The following POU2F2 variants were observed in gnomAD, a reference collection of about 807,000 sequenced individuals.
The protein encoded by POU2F2 is POU domain, class 2, transcription factor 2.
Under a neutral mutation model 63.5 loss-of-function variants are expected in POU2F2, and 14 were observed. The ratio of observed to expected loss-of-function variants is 0.22; its 90% CI spans 0.15 to 0.34. POU2F2 has a LOEUF of 0.34. Ranked by LOEUF, POU2F2 falls within the 10% of genes least tolerant of loss-of-function variation. The probability of loss-of-function intolerance (pLI) is 1.00; values close to 1 mark genes in which losing one functional copy is unlikely to be tolerated. For synonymous variants in POU2F2, 306 were observed against 348.6 expected (o/e 0.88, Z 1.36); for missense variants, 607 against 815.2 (o/e 0.74, Z 3.11).
At chr19:42,185,111 CTTCA>C (rs2034999591) in intron 1 of POU2F2, among the ~76,000 whole-genome samples, 1 of 152,146 alleles carries the variant, frequency 6.6e-6, no homozygotes, top group South Asian at 2.1e-4. Flanking sequence ...AGTTCATTTA[CTTCA>C]TTAATATTAA....
intron 1 of POU2F2, 75 bp downstream of exon 1, chr19:42,132,309 C>T (rs2033823370): frequency 2.0e-6 from 3 of 1,517,658 alleles, no homozygotes; most frequent in Non-Finnish European, 2.7e-6. Flanking sequence ...GGAGGAGGGG[C>T]AGGCAGGGCC....
intron 1 of POU2F2, among the ~76,000 whole-genome samples, chr19:42,171,494 G>A (rs1261577384): frequency 6.6e-6 from 1 of 151,462 alleles, no homozygotes; most frequent in Non-Finnish European, 1.5e-5. Flanking sequence ...GAGTGACTTG[G>A]TGTATTGGCC....
At chr19:42,143,908 A>C (rs559412019) in intron 2 of POU2F2, among the ~76,000 whole-genome samples, 9 of 152,172 alleles carry the variant, frequency 5.9e-5, no homozygotes, top group Admixed American at 3.9e-4. Context: ...GTCCTCTACC[A>C]GGTTGCACTT....
chr19:42,115,197 C>G (rs1171933868), intron 5 of POU2F2, among the ~76,000 whole-genome samples: 1 of 152,092 alleles, frequency 6.6e-6, no homozygotes, highest in Non-Finnish European at 1.5e-5. Context: ...GCCATGCGCC[C>G]AGTTTACAGA....
intron 4 of POU2F2, among the ~76,000 whole-genome samples, chr19:42,120,716 G>C (rs1600113888): frequency 6.6e-6 from 1 of 152,258 alleles, no homozygotes; most frequent in Non-Finnish European, 1.5e-5. Context: ...CTGTCGAAAA[G>C]CAAGCCAGTT....
intron 1 of POU2F2, among the ~76,000 whole-genome samples, chr19:42,127,091 G>A (rs1034270503): frequency 1.3e-5 from 2 of 151,540 alleles, no homozygotes; most frequent in Admixed American, 1.3e-4. Context: ...GACTACAGCT[G>A]TGCACCACCA....
intron 5 of POU2F2, among the ~76,000 whole-genome samples, chr19:42,104,325 C>T (rs890999699): frequency 2.0e-4 from 31 of 152,070 alleles, no homozygotes; most frequent in African/African-American, 7.5e-4. Flanking sequence ...TCAACTCAGC[C>T]ATTCTACTGC....
In POU2F2 at chr19:42,092,232, T is replaced by C; in HGVS notation, c.1303A>G (p.Ser435Gly). ...CCCCCACCCCCTCCAGCTGTCCGGC[T>C]GGGGTGGAGCGTCCCCACAGCTGAG... is the stretch of plus-strand genomic sequence containing the variant. Reference protein sequence around the residue: ...LSSAVGTLHPSRTAGGGGGGG... With the variant: ...LSSAVGTLHPGRTAGGGGGGG... Residue 435 changes from serine to glycine, a missense_variant, in exon 13 of 15, where the codon AGC (serine) becomes GGC (glycine). Ser to Gly is a moderately conservative substitution (Grantham distance 56, BLOSUM62 0). Around this residue, in one of 7 missense-constraint regions of POU2F2, gnomAD observed 270 missense variants for 307.5 expected, o/e 0.88. Coordinates refer to ENST00000692977, the MANE Select transcript of POU2F2 (RefSeq NM_001394376.1). The surrounding 1 kb of genome is among the most constrained non-coding windows in gnomAD (Gnocchi z 5.0). 6.4e-7 allele frequency: 1 copy of C among 1,563,922 alleles called. No homozygotes were observed. Among genetic ancestry groups the C allele is most frequent in the Non-Finnish European group, 8.7e-7 (1 of 1,152,620 alleles).
intron 1 of POU2F2, among the ~76,000 whole-genome samples, chr19:42,174,811 G>C (rs370242328): frequency 4.0e-5 from 6 of 151,730 alleles, no homozygotes; most frequent in Admixed American, 3.3e-4. Flanking sequence ...CTTATATCCT[G>C]GGGGGTGGAA....
At chr19:42,188,405 TCACGCCTGTAATCC>T (rs1396774772) in intron 1 of POU2F2, among the ~76,000 whole-genome samples, 1 of 150,096 alleles carries the variant, frequency 6.7e-6, no homozygotes, top group Non-Finnish European at 1.5e-5. Flanking sequence ...GTGCAGAGGC[TCACGCCTGTAATCC>T]CAACACTTTG....
chr19:42,089,902 T>C lies in POU2F2; in HGVS notation c.*1355A>G, dbSNP rs1218413681. 1.3e-5 allele frequency: 2 copies of C among 152,212 alleles called. No individual in the cohort carries two copies. The highest frequency in any genetic ancestry group is 4.8e-5 in the African/African-American group (2 of 41,522). 9.4% of individuals were successfully genotyped at this position (152,212 alleles called of 1,614,324 possible). A position where few individuals can be genotyped will look rare whatever the true frequency, so the allele number is the denominator to read the frequency against. On this transcript the variant is annotated 3_prime_UTR_variant, in exon 15 of 15. Transcript: ENST00000692977. ...TCGTCAGTGGAGACGTGTCCGGGGC[T>C]GGTCAAACACAGGGTCCAGCCAAGA...
Position 42,106,805 on chromosome 19 carries a change from AGAG to A in POU2F2, c.370-6987_370-6985del, listed in dbSNP as rs1003678129. Reference sequence around the variant, plus strand: ...AGGAGGAAGAGGAGGAGGAGGAGGAAGAGGAGGAGGAGGAGAAGGAGGAGGAGG... The same window carrying A: ...AGGAGGAAGAGGAGGAGGAGGAGGAAGAGGAGGAGGAGAAGGAGGAGGAGG... On this transcript the variant is annotated intron_variant, in intron 5 of 14. Transcript: ENST00000692977. 4.1e-4 allele frequency among the ~76,000 whole-genome samples: 57 copies of A among 138,486 alleles called. 1 individual carries two copies. Among genetic ancestry groups the A allele is most frequent in the Non-Finnish European group, 2.2e-4 (14 of 64,070 alleles). The allele number at this position is 138,486 out of a possible 152,430, so 90.9% of individuals were successfully genotyped here. A position where few individuals can be genotyped will look rare whatever the true frequency, so the allele number is the denominator to read the frequency against.
intron 5 of POU2F2, chr19:42,116,807 AGGC>A (rs1447888696): frequency 5.3e-6 from 2 of 374,078 alleles, no homozygotes; most frequent in South Asian, 3.8e-5. Context: ...CCCCCAGAGG[AGGC>A]TGGGGGCTGT....
chr19:42,177,682 A>G (rs2034912010), upstream of POU2F2, among the ~76,000 whole-genome samples: 1 of 151,908 alleles, frequency 6.6e-6, no homozygotes, highest in African/African-American at 2.4e-5. Flanking sequence ...ACAGAGACAC[A>G]GAGACACACG....
intron 4 of POU2F2, 65 bp downstream of exon 4, chr19:42,122,061 C>G: frequency 6.7e-7 from 1 of 1,493,034 alleles, no homozygotes; most frequent in African/African-American, 1.4e-5. Context: ...TGGACTGAGG[C>G]AGGCCTCCTG....
intron 1 of POU2F2, among the ~76,000 whole-genome samples, chr19:42,193,083 G>C (rs1320145249): frequency 6.6e-6 from 1 of 151,408 alleles, no homozygotes; most frequent in South Asian, 2.1e-4. Flanking sequence ...AAAAATAGCC[G>C]GGCGTGGTGG....
At chr19:42,143,342 ACT>A (rs1316536866) in intron 2 of POU2F2, among the ~76,000 whole-genome samples, 1 of 151,678 alleles carries the variant, frequency 6.6e-6, no homozygotes, top group Non-Finnish European at 1.5e-5. Flanking sequence ...AAAGAGCAAG[ACT>A]CTGCCTCAAA....
chr19:42,112,866 TC>T (rs1169095060), intron 5 of POU2F2, among the ~76,000 whole-genome samples: 1 of 152,150 alleles, frequency 6.6e-6, no homozygotes, highest in Admixed American at 6.5e-5. Context: ...CTTTGGCTCC[TC>T]CCTCCCAGCT....
At position 42,155,233 on chromosome 19, in the gene POU2F2, C is replaced by T. The variant is rs1191900258; in HGVS notation, c.-9+5099G>A. On this transcript the variant is annotated intron_variant, in intron 2 of 6. Coordinates refer to the POU2F2 transcript ENST00000524801. This position sits in a 1 kb window ranked among gnomAD's most constrained non-coding sequence, Gnocchi z 4.2. Reference sequence around the variant, plus strand: ...CACTCTCATGCGCTCAGCTCGCATGCACGCGCCCTCTCTTTCTCTCTGTTC... The same window carrying T: ...CACTCTCATGCGCTCAGCTCGCATGTACGCGCCCTCTCTTTCTCTCTGTTC... Among the ~76,000 whole-genome samples the T allele has an allele frequency of 6.6e-6, 1 of 152,264 alleles. No homozygotes were observed. The highest frequency in any genetic ancestry group is 1.5e-5 in the Non-Finnish European group (1 of 68,040).
Sources: gnomAD v4.1 joint callset for allele counts (sites outside exome capture counted in the v4.1 genomes callset) on GRCh38, gnomAD v4.1.1 for gene constraint, gnomAD v4.1.1 regional missense constraint, Gnocchi (gnomAD v3.1) non-coding constraint, MANE v1.5 for transcripts, NCBI Gene and HGNC (gene_info 2026-07-23, HGNC 2026-07-21) for gene names.